Variants in FAM163B observed in about 807,000 individuals in gnomAD.
FAM163B encodes family with sequence similarity 163 member B, also known as protein FAM163B.
In FAM163B, 4 loss-of-function variants were observed where a neutral mutation model predicts 7.6. That is an observed-to-expected ratio of 0.52 (90% CI 0.26 to 1.20). The LOEUF is 1.20. FAM163B is among the 50% of genes most tolerant of loss of function. The pLI, the probability that FAM163B is intolerant of heterozygous loss-of-function variation, is 0.14. For missense variants in FAM163B, 250 were observed against 243.0 expected (o/e 1.03, Z -0.19); for synonymous variants, 120 against 111.6 (o/e 1.07, Z -0.47).
chr9:133,584,672 T>C (rs1831406257), intron 1 of FAM163B, among the ~76,000 whole-genome samples: 1 of 152,076 alleles, frequency 6.6e-6, no homozygotes, highest in Non-Finnish European at 1.5e-5. Flanking sequence ...TGGTAACGGA[T>C]GGGGGAGGAA....
At chr9:133,579,793 C>G (rs913811162) in intron 2 of FAM163B, among the ~76,000 whole-genome samples, 35 of 152,364 alleles carry the variant, frequency 2.3e-4, no homozygotes, top group African/African-American at 7.7e-4. Context: ...ATGGCTCCCC[C>G]TCATCTCTCA....
At chr9:133,608,403 T>C (rs1564199838) in intron 1 of FAM163B, among the ~76,000 whole-genome samples, 1 of 152,170 alleles carries the variant, frequency 6.6e-6, no homozygotes, top group Non-Finnish European at 1.5e-5. Context: ...TTTTGGTGTG[T>C]AGAGTCTTTT....
chr9:133,584,976 G>T (rs1226710873), intron 1 of FAM163B, among the ~76,000 whole-genome samples: 1 of 152,242 alleles, frequency 6.6e-6, no homozygotes, highest in Non-Finnish European at 1.5e-5. Flanking sequence ...TGGTTTTAAA[G>T]CTTTATAAAT....
chr9:133,578,745 T>C lies in FAM163B; in HGVS notation c.*277A>G. On this transcript the variant is annotated 3_prime_UTR_variant, in exon 3 of 3. Transcript: ENST00000673969. ...CAGGAGTAACGGTGGCCTCTGTGCC[T>C]GAGAGCCCTGGTGCATGCCCAGCCG... is the stretch of plus-strand genomic sequence containing the variant. 1.0e-5 allele frequency: 5 copies of C among 485,754 alleles called. No individual in the cohort carries two copies. The highest frequency in any genetic ancestry group is 1.7e-5 in the Non-Finnish European group (5 of 289,064). The allele number at this position is 485,754 out of a possible 1,614,324, so 30.1% of individuals were successfully genotyped here. A position where few individuals can be genotyped will look rare whatever the true frequency, so the allele number is the denominator to read the frequency against.
chr9:133,579,901 C>T (rs942024422), intron 2 of FAM163B, among the ~76,000 whole-genome samples: 1 of 152,234 alleles, frequency 6.6e-6, no homozygotes, highest in Non-Finnish European at 1.5e-5. Flanking sequence ...GGCTAAGTCC[C>T]TTCCCGTCTC....
At chr9:133,585,293 C>CT (rs1831418316) in intron 1 of FAM163B, among the ~76,000 whole-genome samples, 1 of 152,230 alleles carries the variant, frequency 6.6e-6, no homozygotes, top group African/African-American at 2.4e-5. Flanking sequence ...CGGGAGCCCC[C>CT]TCCCCACACC....
intron 1 of FAM163B, among the ~76,000 whole-genome samples, chr9:133,597,377 A>C (rs1433125256): frequency 6.6e-6 from 1 of 152,208 alleles, no homozygotes; most frequent in African/African-American, 2.4e-5. Context: ...CTCAGACTAG[A>C]TATTACAGAA....
At chr9:133,602,164 G>A (rs1296254511) in intron 1 of FAM163B, among the ~76,000 whole-genome samples, 1 of 142,736 alleles carries the variant, frequency 7.0e-6, no homozygotes, top group Non-Finnish European at 1.5e-5. Context: ...CCCAAGACCC[G>A]CCATATAACA....
intron 1 of FAM163B, among the ~76,000 whole-genome samples, chr9:133,591,109 T>C (rs930436359): frequency 3.9e-5 from 6 of 152,140 alleles, no homozygotes; most frequent in Admixed American, 3.9e-4. Flanking sequence ...ACCCCACTCA[T>C]GAGCAGCTGC....
chr9:133,579,796 ATC>A (rs1831327208), intron 2 of FAM163B, among the ~76,000 whole-genome samples: 2 of 152,126 alleles, frequency 1.3e-5, no homozygotes, highest in South Asian at 4.1e-4. Context: ...GCTCCCCCTC[ATC>A]TCTCAGGGAG....
At position 133,579,352 on chromosome 9, in the gene FAM163B, C is replaced by T. The variant is rs958897430; in HGVS notation, c.171G>A (p.Pro57=). ...GCACCAGGTTGCGGTTGGAGTGCAG[C>T]GGGGGCAGGTGCGAGTGAACGGCGA... The part of the protein sequence containing the change: ...PDFAVHSHLP[P]LHSNRNLVLT... The change falls in exon 3 of 3, where the codon CCG becomes CCA. Residue 57 remains proline (P), a synonymous_variant. Coordinates refer to ENST00000673969, the MANE Select transcript of FAM163B (RefSeq NM_001080515.3). 5.0e-5 allele frequency: 81 copies of T among 1,613,028 alleles called. No individual in the cohort carries two copies. The highest frequency in any genetic ancestry group is 6.4e-5 in the Non-Finnish European group (76 of 1,179,798).
intron 1 of FAM163B, among the ~76,000 whole-genome samples, chr9:133,595,740 G>A (rs1205919419): frequency 6.6e-6 from 1 of 152,078 alleles, no homozygotes; most frequent in East Asian, 1.9e-4. Flanking sequence ...AATATCCCCT[G>A]CTCCATGGTT....
rs923997653 is a variant in FAM163B at position 133,606,236 on chromosome 9, C to T, written c.-24+2841G>A. 8.5e-5 allele frequency among the ~76,000 whole-genome samples: 13 copies of T among 152,224 alleles called. No homozygotes were observed. Among genetic ancestry groups the T allele is most frequent in the Non-Finnish European group, 2.9e-5 (2 of 68,032 alleles). On this transcript the variant is annotated intron_variant, in intron 1 of 2. Transcript: ENST00000673969. The surrounding 1 kb of genome is among the most constrained non-coding windows in gnomAD (Gnocchi z 4.0). The stretch of plus-strand genomic sequence containing the variant: ...TCTACCTCCACCAGCCCACTTCACC[C>T]CAGGGGCAACAGGATTCCTTCCCCT...
In FAM163B at chr9:133,601,904, T is replaced by C. The variant is rs1406378739; in HGVS notation, c.-24+7173A>G. Among the ~76,000 whole-genome samples the C allele has an allele frequency of 6.6e-6, 1 of 152,110 alleles. No individual in the cohort carries two copies. The highest frequency in any genetic ancestry group is 1.9e-4 in the East Asian group (1 of 5,186). On this transcript the variant is annotated intron_variant, in intron 1 of 2. Coordinates refer to ENST00000673969, the MANE Select transcript of FAM163B (RefSeq NM_001080515.3). The surrounding 1 kb of genome is among the most constrained non-coding windows in gnomAD (Gnocchi z 4.1). Reference sequence around the variant, plus strand: ...GGAGGAGCCTCAGGGAGGAAGGGACTCTGAGGGTTCGAGAAACAGGCAGTA... The same window carrying C: ...GGAGGAGCCTCAGGGAGGAAGGGACCCTGAGGGTTCGAGAAACAGGCAGTA...
intron 1 of FAM163B, among the ~76,000 whole-genome samples, chr9:133,597,125 T>C (rs1831643677): frequency 1.3e-5 from 2 of 151,994 alleles, no homozygotes; most frequent in South Asian, 4.1e-4. Context: ...AGCAGAAAAA[T>C]ACAAACCACA....
At chr9:133,605,991 C>T (rs545763735) in intron 1 of FAM163B, among the ~76,000 whole-genome samples, 180 of 152,308 alleles carry the variant, frequency 1.2e-3, no homozygotes, top group African/African-American at 4.3e-3. Context: ...AACCATGTCC[C>T]TCCGGGCTCC....
chr9:133,582,381 T>TA (rs764311804), intron 1 of FAM163B, among the ~76,000 whole-genome samples: 17 of 152,188 alleles, frequency 1.1e-4, no homozygotes, highest in Admixed American at 2.6e-4. Flanking sequence ...ATGATCCCAC[T>TA]AGGGAGCAAA....
At chr9:133,588,656 T>G (rs78936218) in intron 1 of FAM163B, among the ~76,000 whole-genome samples, 402 of 69,860 alleles carry the variant, frequency 5.8e-3, no homozygotes, top group Middle Eastern at 7.8e-3. Context: ...TTGAAGGATC[T>G]AGCATGCTGA....
chr9:133,603,816 C>T (rs970475638), intron 1 of FAM163B, among the ~76,000 whole-genome samples: 3 of 152,188 alleles, frequency 2.0e-5, no homozygotes, highest in African/African-American at 7.2e-5. Context: ...TGGACAGCTG[C>T]TTTTGCATTG....
Sources: allele counts gnomAD v4.1 joint callset (sites outside exome capture counted in the v4.1 genomes callset), GRCh38; gene constraint gnomAD v4.1.1; non-coding constraint Gnocchi (gnomAD v3.1); transcripts MANE v1.5; gene names NCBI Gene and HGNC (gene_info 2026-07-23, HGNC 2026-07-21).